Variants in SLC67A1 observed in about 807,000 individuals in gnomAD.
SLC67A1 encodes the protein solute carrier family 67 member A1.
At chr11:2,909,188 G>A in the SLC67A1 span, 1 of 1,507,498 alleles carries the variant, frequency 6.6e-7, no homozygotes, top group Non-Finnish European at 8.8e-7. Flanking sequence ...CCGCCCCTCG[G>A]CCCCCAGGTT....
chr11:2,903,134 C>T, the SLC67A1 span: 181 of 1,227,774 alleles, frequency 1.5e-4, 1 homozygote, highest in African/African-American at 2.5e-3. Flanking sequence ...GAGGGGGACC[C>T]CCTGATGTGT....
chr11:2,901,481 G>A, the SLC67A1 span, among the ~76,000 whole-genome samples: 7 of 152,252 alleles, frequency 4.6e-5, no homozygotes, highest in Non-Finnish European at 1.0e-4. Context: ...GGGAGGAGGT[G>A]GGGCAGGAGT....
chr11:2,924,385 C>T, the SLC67A1 span, among the ~76,000 whole-genome samples: 2 of 151,998 alleles, frequency 1.3e-5, no homozygotes, highest in Admixed American at 6.6e-5. This position sits in a 1 kb window ranked among gnomAD's most constrained non-coding sequence, Gnocchi z 8.6. Context: ...CAGGGTGGGG[C>T]GGCTGGAGGA....
At chr11:2,916,234 C>G in the SLC67A1 span, 1 of 190,046 alleles carries the variant, frequency 5.3e-6, no homozygotes, top group Non-Finnish European at 1.1e-5. Context: ...CTCGGAGAGC[C>G]CCTCCCAGGG....
chr11:2,914,606 G>GC, the SLC67A1 span: 3 of 672,996 alleles, frequency 4.5e-6, 1 homozygote, highest in Admixed American at 1.3e-4. Flanking sequence ...CCAGCCCCAG[G>GC]CTTTCCTGTT....
chr11:2,903,675 C>T, the SLC67A1 span: 5 of 648,768 alleles, frequency 7.7e-6, no homozygotes, highest in Middle Eastern at 4.1e-4. Flanking sequence ...CCCCCGTCAG[C>T]ACATCCTGTG....
At chr11:2,916,597 G>A in the SLC67A1 span, 9 of 1,589,006 alleles carry the variant, frequency 5.7e-6, no homozygotes, top group Non-Finnish European at 6.0e-6. Context: ...CCCGCACCCT[G>A]TGCAGCCGAG....
chr11:2,915,556 G>A, the SLC67A1 span, among the ~76,000 whole-genome samples: 57 of 152,300 alleles, frequency 3.7e-4, no homozygotes, highest in African/African-American at 1.3e-3. Context: ...CGGTCTCCGC[G>A]CAGGGTCCAA....
chr11:2,925,184 A>G, the SLC67A1 span: 1 of 1,613,220 alleles, frequency 6.2e-7, no homozygotes, highest in South Asian at 1.1e-5. This position sits in a 1 kb window ranked among gnomAD's most constrained non-coding sequence, Gnocchi z 6.5. Flanking sequence ...CAGAGGAAGG[A>G]CAAAGTCCGG....
At chr11:2,924,865 G>A in the SLC67A1 span, 1 of 674,616 alleles carries the variant, frequency 1.5e-6, no homozygotes, top group Non-Finnish European at 2.5e-6. This position sits in a 1 kb window ranked among gnomAD's most constrained non-coding sequence, Gnocchi z 8.6. Flanking sequence ...GTTCAGGGGA[G>A]TATTTCACCA....
At chr11:2,912,841 AG>A in the SLC67A1 span, among the ~76,000 whole-genome samples, 1 of 152,190 alleles carries the variant, frequency 6.6e-6, no homozygotes, top group Non-Finnish European at 1.5e-5. Flanking sequence ...GCCAGACAGC[AG>A]GGAGCCCTGC....
the SLC67A1 span, chr11:2,922,389 G>A: frequency 1.9e-6 from 3 of 1,596,080 alleles, no homozygotes; most frequent in South Asian, 3.4e-5. Context: ...AGAGGAGCCT[G>A]GTCCCGTGAG....
At chr11:2,900,801 C>G in the SLC67A1 span, among the ~76,000 whole-genome samples, 2 of 151,884 alleles carry the variant, frequency 1.3e-5, no homozygotes, top group Non-Finnish European at 2.9e-5. Flanking sequence ...ACCAAGGGAC[C>G]TGCACTAATG....
the SLC67A1 span, among the ~76,000 whole-genome samples, chr11:2,900,716 A>AAAAAAAAAAAAAAC: frequency 6.8e-6 from 1 of 146,736 alleles, no homozygotes; most frequent in Non-Finnish European, 1.5e-5. Flanking sequence ...AAAAAAAAAA[A>AAAAAAAAAAAAAAC]AGATATGGGG....
chr11:2,910,837 C>G, the SLC67A1 span, among the ~76,000 whole-genome samples: 6 of 152,222 alleles, frequency 3.9e-5, no homozygotes, highest in Non-Finnish European at 8.8e-5. Flanking sequence ...TGGGGTGCCA[C>G]TGGGATTTGG....
At chr11:2,925,024 C>T in the SLC67A1 span, 23 of 1,611,606 alleles carry the variant, frequency 1.4e-5, no homozygotes, top group Non-Finnish European at 1.9e-5. The surrounding 1 kb of genome is among the most constrained non-coding windows in gnomAD (Gnocchi z 6.5). Flanking sequence ...CATGCTGGGC[C>T]TCTGCGCCTC....
chr11:2,922,022 GC>G, the SLC67A1 span: 1 of 1,098,520 alleles, frequency 9.1e-7, no homozygotes, highest in Non-Finnish European at 1.4e-6. Flanking sequence ...GAGGTCCCCA[GC>G]TTTGGGGGCT....
the SLC67A1 span, chr11:2,921,992 G>T: frequency 1.3e-6 from 1 of 797,680 alleles, no homozygotes; most frequent in Non-Finnish European, 2.2e-6. Flanking sequence ...GAGGGGCCCT[G>T]GCCACCACAG....
At chr11:2,903,359 G>T in the SLC67A1 span, 20 of 1,612,878 alleles carry the variant, frequency 1.2e-5, no homozygotes, top group African/African-American at 2.7e-4. Flanking sequence ...CAGGGAGCTC[G>T]GGCTCCCAGG....
Sources: gnomAD v4.1 joint callset for allele counts (sites outside exome capture counted in the v4.1 genomes callset) on GRCh38, gnomAD v4.1.1 for gene constraint, Gnocchi (gnomAD v3.1) non-coding constraint, MANE v1.5 for transcripts, NCBI Gene and HGNC (gene_info 2026-07-23, HGNC 2026-07-21) for gene names.